Variants in TNR observed in about 807,000 individuals in gnomAD.
TNR encodes the protein tenascin R, also known as tenascin-R.
A neutral mutation model predicts 150.4 loss-of-function variants in TNR; 45 were observed. The ratio of observed to expected loss-of-function variants is 0.30; its 90% CI spans 0.24 to 0.38. The LOEUF is 0.38. Among genes scored for constraint, TNR ranks in the 10% least tolerant of loss-of-function variants. TNR has a pLI of 1.00. For missense variants in TNR, 1,544 were observed against 1,759.1 expected (o/e 0.88, Z 2.19); for synonymous variants, 687 against 678.4 (o/e 1.01, Z -0.20).
In TNR at chr1:175,389,079, A is replaced by G. The variant is rs1653057887; in HGVS notation, c.1507+2209T>C. Among the ~76,000 whole-genome samples the G allele has an allele frequency of 3.3e-5, 5 of 152,210 alleles. No homozygotes were observed. In the South Asian group the frequency reaches 1.0e-3, roughly 31 times the overall value. On this transcript the variant is annotated intron_variant, in intron 7 of 22. Coordinates refer to ENST00000367674, the MANE Select transcript of TNR (RefSeq NM_003285.3). The stretch of plus-strand genomic sequence containing the variant: ...AGGAATAACTTGGGCACCTTGTAAC[A>G]TTTCATATCAGAAGAGGAGAAGCTG...
intron 2 of TNR, among the ~76,000 whole-genome samples, chr1:175,508,193 GT>G (rs1278313753): frequency 2.0e-5 from 3 of 152,166 alleles, no homozygotes; most frequent in Non-Finnish European, 4.4e-5. Flanking sequence ...GGGTTGATAT[GT>G]GCAGCAAACC....
At chr1:175,465,285 A>G (rs1023062212) in intron 2 of TNR, among the ~76,000 whole-genome samples, 1 of 152,222 alleles carries the variant, frequency 6.6e-6, no homozygotes, top group Non-Finnish European at 1.5e-5. Flanking sequence ...TGAAACTCCT[A>G]GGTTGAAAGG....
At chr1:175,512,437 T>C (rs1174636331) in intron 2 of TNR, among the ~76,000 whole-genome samples, 1 of 152,232 alleles carries the variant, frequency 6.6e-6, no homozygotes, top group Admixed American at 6.5e-5. Context: ...CAACTCTTAG[T>C]AGACTCTTTT....
At chr1:175,725,555 T>C (rs1341861786) in intron 1 of TNR, among the ~76,000 whole-genome samples, 2 of 152,208 alleles carry the variant, frequency 1.3e-5, no homozygotes, top group Non-Finnish European at 2.9e-5. Flanking sequence ...TGACATCTGT[T>C]TCTTCATCAA....
chr1:175,634,068 C>T (rs1037339867), intron 1 of TNR, among the ~76,000 whole-genome samples: 2 of 152,062 alleles, frequency 1.3e-5, no homozygotes, highest in African/African-American at 4.8e-5. Flanking sequence ...ATGAAATAAG[C>T]TAATCTATGT....
Position 175,320,323 on chromosome 1 carries a change from C to T in TNR, c.*3034G>A, listed in dbSNP as rs1648970362. Reference sequence around the variant, plus strand: ...TAGACCTTGGGATGAGAGTGGGGCACAGTGTCTTTTAAACATGGTGAAAAC... The same window carrying T: ...TAGACCTTGGGATGAGAGTGGGGCATAGTGTCTTTTAAACATGGTGAAAAC... On this transcript the variant is annotated 3_prime_UTR_variant, in exon 23 of 23. Transcript: ENST00000367674. 6.6e-6 allele frequency: 1 copy of T among 152,164 alleles called. No homozygotes were observed. Among genetic ancestry groups the T allele is most frequent in the Non-Finnish European group, 1.5e-5 (1 of 68,028 alleles). The allele number at this position is 152,164 out of a possible 1,614,324, so 9.4% of individuals were successfully genotyped here. A position where few individuals can be genotyped will look rare whatever the true frequency, so the allele number is the denominator to read the frequency against.
At chr1:175,337,269 C>G (rs1650294857) in intron 19 of TNR, among the ~76,000 whole-genome samples, 1 of 152,200 alleles carries the variant, frequency 6.6e-6, no homozygotes, top group South Asian at 2.1e-4. Flanking sequence ...ACTGCCTTTC[C>G]CCAGCACTCT....
chr1:175,335,959 C>G, intron 19 of TNR, 152 bp from the exon 20 acceptor site: 2 of 698,698 alleles, frequency 2.9e-6, no homozygotes, highest in Non-Finnish European at 4.7e-6. Context: ...CATTTCAGAG[C>G]AGAGCTCAGT....
At chr1:175,600,681 C>T (rs916595115) in intron 1 of TNR, among the ~76,000 whole-genome samples, 1 of 152,224 alleles carries the variant, frequency 6.6e-6, no homozygotes, top group Non-Finnish European at 1.5e-5. Flanking sequence ...ACTCCTGAAG[C>T]TATGCTCCCT....
intron 2 of TNR, among the ~76,000 whole-genome samples, chr1:175,493,807 T>C (rs930372920): frequency 6.6e-6 from 1 of 152,106 alleles, no homozygotes; most frequent in Non-Finnish European, 1.5e-5. Flanking sequence ...AGAGTCCATA[T>C]GGCTGCGTGG....
intron 1 of TNR, among the ~76,000 whole-genome samples, chr1:175,714,497 T>C (rs192516091): frequency 5.0e-4 from 76 of 152,300 alleles, no homozygotes; most frequent in Admixed American, 3.3e-3. Flanking sequence ...GCGTATTGAC[T>C]GGCCAATCAA....
intron 1 of TNR, among the ~76,000 whole-genome samples, chr1:175,591,872 C>T (rs530284110): frequency 6.6e-6 from 1 of 152,304 alleles, no homozygotes; most frequent in South Asian, 2.1e-4. Context: ...GTTTTAAAAG[C>T]TAGTGCAAAA....
chr1:175,700,113 GC>G (rs1211003105), intron 1 of TNR, among the ~76,000 whole-genome samples: 1 of 151,268 alleles, frequency 6.6e-6, no homozygotes, highest in East Asian at 1.9e-4. Flanking sequence ...TTGGATGGAA[GC>G]ATCCTAGATT....
At chr1:175,615,876 T>C (rs1055603862) in intron 1 of TNR, among the ~76,000 whole-genome samples, 1 of 152,240 alleles carries the variant, frequency 6.6e-6, no homozygotes, top group African/African-American at 2.4e-5. Context: ...TGCATAGTAG[T>C]TAAGAATCTC....
rs575332570 is a variant in TNR, at chr1:175,560,580, T to C, written c.-164-32211A>G. ...ATATGCCTTGTTCTCAGTGAACCCA[T>C]GCTAGTTTCTAGTGACTACTGCTTC... On this transcript the variant is annotated intron_variant, in intron 1 of 22. Transcript: ENST00000367674. Among the ~76,000 whole-genome samples, 4 of 152,356 alleles carry C rather than the reference T, an allele frequency of 2.6e-5. No homozygotes were observed. In the East Asian group the frequency reaches 7.7e-4, roughly 29 times the overall value.
At chr1:175,395,559 C>G (rs930725773) in intron 5 of TNR, among the ~76,000 whole-genome samples, 7 of 151,834 alleles carry the variant, frequency 4.6e-5, no homozygotes, top group African/African-American at 1.7e-4. Context: ...GATACAGCCC[C>G]TTTTTCATGA....
At chr1:175,508,850 C>T (rs1659058036) in intron 2 of TNR, among the ~76,000 whole-genome samples, 1 of 152,198 alleles carries the variant, frequency 6.6e-6, no homozygotes, top group Non-Finnish European at 1.5e-5. Context: ...TCATTTGTGA[C>T]TCAACAATAG....
Position 175,554,944 on chromosome 1 carries a change from C to T in TNR, c.-164-26575G>A, listed in dbSNP as rs149329096. Among the ~76,000 whole-genome samples the T allele has an allele frequency of 5.9e-4, 90 of 152,320 alleles. No homozygotes were observed. The East Asian group carries it at 0.017, about 28-fold the overall frequency. On this transcript the variant is annotated intron_variant, in intron 1 of 22. Coordinates refer to ENST00000367674, the MANE Select transcript of TNR (RefSeq NM_003285.3). ...GAATGGTTATGCCAAGGTCATCCAG[C>T]AGTCGGGAAGGGCTAGGCTAGAACA...
chr1:175,497,588 G>C (rs1202352036), intron 2 of TNR, among the ~76,000 whole-genome samples: 1 of 152,186 alleles, frequency 6.6e-6, no homozygotes, highest in East Asian at 1.9e-4. Context: ...GGCAGCTGCT[G>C]TTGTGCTGTT....
Sources: allele counts gnomAD v4.1 joint callset (sites outside exome capture counted in the v4.1 genomes callset), GRCh38; gene constraint gnomAD v4.1.1; transcripts MANE v1.5; gene names NCBI Gene and HGNC (gene_info 2026-07-23, HGNC 2026-07-21).